DNAH2: variants seen among roughly 807,000 people sequenced by gnomAD.
DNAH2 encodes axonemal beta dynein heavy chain 2.
DNAH2 carries 323 observed loss-of-function variants against 523.5 expected under a neutral mutation model. The observed-to-expected ratio is 0.62, with a 90% CI of 0.56 to 0.68. The LOEUF (loss-of-function observed/expected upper bound fraction) is 0.68, where lower values mean the gene tolerates loss of function less well. DNAH2 is among the 30% of genes least tolerant of loss of function. The pLI, the probability that DNAH2 is intolerant of heterozygous loss-of-function variation, is 0.00. For synonymous variants in DNAH2, 2,093 were observed against 2,177.4 expected, an observed-to-expected ratio of 0.96 and a Z score of 1.08; for missense variants, 4,907 against 5,701.5, an observed-to-expected ratio of 0.86 and a Z score of 4.49.
At position 7,832,611 on chromosome 17, in the gene DNAH2, G is replaced by A; in HGVS notation, c.12759G>A (p.Trp4253Ter). The part of the protein sequence containing the change: ...AYPSQKPLAA[W>*]TRDLAMRVEQ... ...CCTCACAAAAGCCATTGGCTGCCTGGACCCGGGACTTGGCCATGCGTGTGG... is the reference window on the plus strand; with the variant it reads ...CCTCACAAAAGCCATTGGCTGCCTGAACCCGGGACTTGGCCATGCGTGTGG... The change falls in exon 83 of 86, where the codon TGG (tryptophan) becomes TGA (stop). Residue 4253 changes from tryptophan (W) to a stop codon, truncating the protein, a stop_gained. Transcript: ENST00000572933. LOFTEE classifies it high-confidence loss of function. This position sits in a 1 kb window ranked among gnomAD's most constrained non-coding sequence, Gnocchi z 4.3. 2 of 1,614,104 alleles carry A rather than the reference G, an allele frequency of 1.2e-6. No individual in the cohort carries two copies. The highest frequency in any genetic ancestry group is 1.7e-6 in the Non-Finnish European group (2 of 1,180,022).
chr17:7,758,252 G>T (rs927016229), intron 13 of DNAH2, among the ~76,000 whole-genome samples: 3 of 152,158 alleles, frequency 2.0e-5, no homozygotes, highest in Admixed American at 2.0e-4. Context: ...AGCACACATC[G>T]CATTAAGTTG....
At chr17:7,818,160 C>T (rs2077737418) in intron 68 of DNAH2, 64 bp downstream of exon 68, 1 of 1,604,150 alleles carries the variant, frequency 6.2e-7, no homozygotes. Flanking sequence ...GGCTCTCTGA[C>T]TGTGTCCTCT....
rs146935449 is a variant in DNAH2 at position 7,824,214 on chromosome 17, A to G, written c.11572A>G (p.Met3858Val). ...TGCCCTGCTGCAGCTGGCAGAGCAC[A>G]TGGGCATGGCCCAGCGCTTCCACGC... is the stretch of plus-strand genomic sequence containing the variant. ...TSALLQLAEH[M>V]GMAQRFHALS... Residue 3858 changes from methionine (M) to valine (V), a missense_variant, in exon 76 of 86, where the codon ATG (methionine) becomes GTG (valine). By Grantham distance (21) the Met-to-Val change is conservative (BLOSUM62 1). Transcript: ENST00000572933. 1.1e-4 allele frequency: 173 copies of G among 1,607,390 alleles called. No individual in the cohort carries two copies. The African/African-American group carries it at 2.1e-3, about 20-fold the overall frequency.
chr17:7,775,130 A>G, intron 29 of DNAH2, 111 bp from the exon 30 acceptor site: 3 of 1,268,050 alleles, frequency 2.4e-6, no homozygotes, highest in Non-Finnish European at 2.2e-6. Flanking sequence ...AGAATTGGTA[A>G]TATTGAGAGG....
intron 64 of DNAH2, 117 bp from the exon 65 acceptor site, chr17:7,817,171 GGA>G: frequency 7.3e-7 from 1 of 1,375,852 alleles, no homozygotes; most frequent in Non-Finnish European, 9.6e-7. Context: ...CAGGTTTAGG[GGA>G]GGGAAAGATC....
chr17:7,726,983 C>G (rs2642158), intron 3 of DNAH2, 139 bp from the exon 4 acceptor site: 311,635 of 829,122 alleles, frequency 0.38, 63,226 homozygotes, highest in East Asian at 0.75. Context: ...AGCTGGAAAG[C>G]TATCTTTCAG....
At chr17:7,720,478 G>C (rs2074568314) in intron 2 of DNAH2, among the ~76,000 whole-genome samples, 1 of 152,168 alleles carries the variant, frequency 6.6e-6, no homozygotes, top group Admixed American at 6.5e-5. Context: ...AGTTTAACGA[G>C]GCAGCCTCTT....
Position 7,758,659 on chromosome 17 carries a change from A to G in DNAH2, c.2208+8A>G, listed in dbSNP as rs1597557832. 6 of 1,611,330 alleles carry G rather than the reference A, an allele frequency of 3.7e-6. No homozygotes were observed. Among genetic ancestry groups the G allele is most frequent in the South Asian group, 2.2e-5 (2 of 90,586 alleles). ...CGTATACATGCCAGCAAGGTGGGCC[A>G]TGGTCCTTAGACCCTAAAGGTCTGC... On this transcript the variant is annotated splice_region_variant and intron_variant, in intron 14 of 85. Transcript: ENST00000572933.
chr17:7,734,076 G>A, intron 5 of DNAH2, 107 bp from the exon 6 acceptor site: 1 of 938,272 alleles, frequency 1.1e-6, no homozygotes, highest in South Asian at 1.7e-5. Context: ...CTGCTCTCCT[G>A]AAATGCATAT....
Position 7,780,510 on chromosome 17 carries a change from A to G in DNAH2, c.5851-120A>G. On this transcript the variant is annotated intron_variant, in intron 37 of 85. Coordinates refer to ENST00000572933, the MANE Select transcript of DNAH2 (RefSeq NM_020877.5). The surrounding 1 kb of genome is among the most constrained non-coding windows in gnomAD (Gnocchi z 4.4). ...ACACAATTTCCTCAGGAGAATCCAT[A>G]GAGTGCCTCCTAGCTGCTTCATGTC... The G allele has an allele frequency of 6.8e-7, 1 of 1,463,702 alleles. No homozygotes were observed. Among genetic ancestry groups the G allele is most frequent in the Non-Finnish European group, 9.3e-7 (1 of 1,073,252 alleles). The allele number at this position is 1,463,702 out of a possible 1,614,324, so 90.7% of individuals were successfully genotyped here.
chr17:7,739,761 G>T lies in DNAH2; in HGVS notation c.1199G>T (p.Arg400Leu), dbSNP rs145686578. ...KVCDCQYHFA[R>L]WEDGKQGPLP... ...TGTGACTGTCAGTATCACTTCGCCC[G>T]CTGGGAAGATGGCAAGCAGGGTCCC... Residue 400 changes from arginine (R) to leucine (L), a missense_variant, in exon 9 of 86, where the codon CGC (arginine) becomes CTC (leucine). Around this residue, in one of 3 missense-constraint regions of DNAH2, gnomAD observed 2,806 missense variants for 3,190.8 expected, o/e 0.88. Coordinates refer to ENST00000572933, the MANE Select transcript of DNAH2 (RefSeq NM_020877.5). The T allele has an allele frequency of 4.3e-6, 7 of 1,613,384 alleles. No homozygotes were observed. Among genetic ancestry groups the T allele is most frequent in the African/African-American group, 1.3e-5 (1 of 74,876 alleles).
At chr17:7,763,425 C>T (rs780295287) in intron 18 of DNAH2, among the ~76,000 whole-genome samples, 2 of 152,130 alleles carry the variant, frequency 1.3e-5, no homozygotes, top group African/African-American at 4.8e-5. Context: ...GGATTACAGG[C>T]GTGAGCCACT....
rs57660603 is a variant in DNAH2 at position 7,749,308 on chromosome 17, C to CAAAAAAAAAAAAAAAAAAA, written c.1904+6188_1904+6206dup. Among the ~76,000 whole-genome samples the CAAAAAAAAAAAAAAAAAAA allele has an allele frequency of 7.6e-3, 135 of 17,766 alleles. 63 individuals carry two copies. Among genetic ancestry groups the CAAAAAAAAAAAAAAAAAAA allele is most frequent in the Non-Finnish European group, 9.1e-3 (113 of 12,386 alleles). The allele number at this position is 17,766 out of a possible 152,430, so 11.7% of individuals were successfully genotyped here. On this transcript the variant is annotated intron_variant, in intron 12 of 85. Transcript: ENST00000572933. Reference sequence around the variant, plus strand: ...GGGCAACAAGAGCTAAACTCCCCCCCAAAAAAAAAAAAAAAAAAAAAAAAA... The same window carrying CAAAAAAAAAAAAAAAAAAA: ...GGGCAACAAGAGCTAAACTCCCCCCCAAAAAAAAAAAAAAAAAAAAAAAAAAAAAAAAAAAAAAAAAAAA...
chr17:7,789,786 C>A (rs1284512569), intron 44 of DNAH2, among the ~76,000 whole-genome samples: 1 of 152,084 alleles, frequency 6.6e-6, no homozygotes, highest in Non-Finnish European at 1.5e-5. Flanking sequence ...CCTTGTTGGT[C>A]AAGCTGGTCT....
In DNAH2 at chr17:7,817,855, A is replaced by C; in HGVS notation, c.10235A>C (p.Gln3412Pro). ...TGGATTAAGAACATGGAAGGAGGCC[A>C]GGTGTGAGGCTGGGGGGTCAGGTTA... ...LKWIKNMEGG[Q>P]GLKIIDLQMS... is the part of the protein sequence containing the mutation. The change falls in exon 67 of 86, where the codon CAG becomes CCG. Residue 3412 changes from glutamine to proline, a missense_variant and splice_region_variant. Physicochemically the swap from Gln to Pro is moderately conservative, Grantham distance 76. Coordinates refer to ENST00000572933, the MANE Select transcript of DNAH2 (RefSeq NM_020877.5). 6.2e-7 allele frequency: 1 copy of C among 1,613,564 alleles called. No individual in the cohort carries two copies. The highest frequency in any genetic ancestry group is 8.5e-7 in the Non-Finnish European group (1 of 1,179,902).
intron 2 of DNAH2, 41 bp downstream of exon 2, chr17:7,719,941 G>A: frequency 6.8e-7 from 1 of 1,460,006 alleles, no homozygotes; most frequent in Non-Finnish European, 9.0e-7. Context: ...GCAATGGAGG[G>A]TGGGGAAAGT....
At chr17:7,782,006 T>G (rs1035454448) in intron 39 of DNAH2, among the ~76,000 whole-genome samples, 3 of 152,222 alleles carry the variant, frequency 2.0e-5, no homozygotes, top group Non-Finnish European at 4.4e-5. Flanking sequence ...ACATCCTTTT[T>G]AATGCATTGC....
intron 20 of DNAH2, among the ~76,000 whole-genome samples, chr17:7,765,093 G>A (rs2076125469): frequency 1.3e-5 from 2 of 152,140 alleles, no homozygotes; most frequent in Admixed American, 6.5e-5. Flanking sequence ...CTCACACCTT[G>A]ATTTTTTTAG....
intron 42 of DNAH2, 106 bp from the exon 43 acceptor site, chr17:7,787,754 A>G (rs994687716): frequency 3.0e-6 from 4 of 1,325,506 alleles, no homozygotes; most frequent in African/African-American, 3.0e-5. Flanking sequence ...AAAAAAAAAA[A>G]GCAAATCGTT....
Sources: gnomAD v4.1 joint callset for allele counts (sites outside exome capture counted in the v4.1 genomes callset) on GRCh38, gnomAD v4.1.1 for gene constraint, gnomAD v4.1.1 regional missense constraint, Gnocchi (gnomAD v3.1) non-coding constraint, MANE v1.5 for transcripts, NCBI Gene and HGNC (gene_info 2026-07-23, HGNC 2026-07-21) for gene names.